PLEKHB1: variants seen among roughly 807,000 people sequenced by gnomAD.
The protein encoded by PLEKHB1 is pleckstrin homology domain-containing family B member 1.
Under a neutral mutation model 36.2 loss-of-function variants are expected in PLEKHB1, and 29 were observed. The ratio of observed to expected loss-of-function variants is 0.80; its 90% CI spans 0.60 to 1.09. PLEKHB1 has a LOEUF of 1.09. Ranked by LOEUF, PLEKHB1 falls within the 50% of genes least tolerant of loss-of-function variation. PLEKHB1 has a pLI of 0.00. For synonymous variants in PLEKHB1, 138 were observed against 140.0 expected, an observed-to-expected ratio of 0.99 and a Z score of 0.10; for missense variants, 330 against 348.2, an observed-to-expected ratio of 0.95 and a Z score of 0.42.
intron 2 of PLEKHB1, among the ~76,000 whole-genome samples, chr11:73,649,969 A>C (rs1032768300): frequency 6.6e-6 from 1 of 152,212 alleles, no homozygotes; most frequent in Admixed American, 6.5e-5. Flanking sequence ...TAGGAGGCTG[A>C]GTTGGGAGGA....
chr11:73,661,771 G>A lies in PLEKHB1; in HGVS notation c.*169G>A. 1 of 800,762 alleles carries A rather than the reference G, an allele frequency of 1.2e-6. No individual in the cohort carries two copies. The highest frequency in any genetic ancestry group is 1.9e-6 in the Non-Finnish European group (1 of 534,384). 49.6% of individuals were successfully genotyped at this position (800,762 alleles called of 1,614,324 possible). A position where few individuals can be genotyped will look rare whatever the true frequency, so the allele number is the denominator to read the frequency against. ...CACTCCCTACCCTTAATCCCCACAT[G>A]GGAAGAAGCTATCATCACAGGTACA... is the stretch of plus-strand genomic sequence containing the variant. On this transcript the variant is annotated 3_prime_UTR_variant, in exon 8 of 8. Transcript: ENST00000354190. The surrounding 1 kb of genome is among the most constrained non-coding windows in gnomAD (Gnocchi z 4.6).
At chr11:73,655,949 C>A in intron 6 of PLEKHB1, 42 bp downstream of exon 6, 1 of 1,549,122 alleles carries the variant, frequency 6.5e-7, no homozygotes, top group Non-Finnish European at 8.9e-7. Flanking sequence ...TACTGGCCAC[C>A]AGGATGAGCC....
intron 6 of PLEKHB1, among the ~76,000 whole-genome samples, chr11:73,658,627 C>CTTTTTTTT (rs1397466372): frequency 9.9e-5 from 15 of 152,000 alleles, no homozygotes; most frequent in African/African-American, 3.4e-4. Context: ...TTCTTTCTTT[C>CTTTTTTTT]TTTTTTTGAG....
intron 3 of PLEKHB1, among the ~76,000 whole-genome samples, 185 bp downstream of exon 3, chr11:73,650,890 G>T (rs964626195): frequency 1.3e-5 from 2 of 152,038 alleles, no homozygotes; most frequent in African/African-American, 4.8e-5. Flanking sequence ...TTGGCTGTGT[G>T]TGGTGGCGCA....
At chr11:73,650,999 TA>T (rs1034725295) in intron 3 of PLEKHB1, among the ~76,000 whole-genome samples, 205 of 140,264 alleles carry the variant, frequency 1.5e-3, no homozygotes, top group Admixed American at 2.7e-3. Flanking sequence ...CCCTGTCTCT[TA>T]AAAAAAAAAA....
At chr11:73,651,453 C>T (rs554220669) in intron 3 of PLEKHB1, 87 of 517,600 alleles carry the variant, frequency 1.7e-4, no homozygotes, top group South Asian at 1.2e-3. Context: ...GCCCTCCAGG[C>T]GCTCGGTACT....
intron 4 of PLEKHB1, 51 bp from the exon 5 acceptor site, chr11:73,652,924 T>G (rs1944923691): frequency 6.5e-7 from 1 of 1,531,576 alleles, no homozygotes; most frequent in Admixed American, 1.8e-5. Context: ...GGGGCCCAAT[T>G]CACCCACCCC....
Position 73,650,888 on chromosome 11 carries a change from G to A in PLEKHB1, c.247+183G>A, listed in dbSNP as rs116064273. Among the ~76,000 whole-genome samples, 1,181 of 152,218 alleles carry A rather than the reference G, an allele frequency of 7.8e-3. 14 individuals are homozygous for A. Among genetic ancestry groups the A allele is most frequent in the African/African-American group, 0.025 (1,054 of 41,506 alleles). On this transcript the variant is annotated intron_variant, in intron 3 of 7. Coordinates refer to ENST00000354190, the MANE Select transcript of PLEKHB1 (RefSeq NM_021200.3). ...AGTTAAGAAATAGGTCCTTGGCTGTGTGTGGTGGCGCATGCCTGTAATTTC... is the reference window on the plus strand; with the variant it reads ...AGTTAAGAAATAGGTCCTTGGCTGTATGTGGTGGCGCATGCCTGTAATTTC...
At position 73,661,422 on chromosome 11, in the gene PLEKHB1, T is replaced by G; in HGVS notation, c.596-44T>G. The stretch of plus-strand genomic sequence containing the variant: ...AGGAAGGGTACGAAGATCACTCTAC[T>G]CCCTCCTAAGTCGCTGATCCTCATG... On this transcript the variant is annotated intron_variant, in intron 7 of 7. Coordinates refer to ENST00000354190, the MANE Select transcript of PLEKHB1 (RefSeq NM_021200.3). This position sits in a 1 kb window ranked among gnomAD's most constrained non-coding sequence, Gnocchi z 4.6. 1 of 1,607,824 alleles carries G rather than the reference T, an allele frequency of 6.2e-7. No homozygotes were observed.
chr11:73,650,222 G>A (rs531582719), intron 2 of PLEKHB1, among the ~76,000 whole-genome samples: 1 of 152,240 alleles, frequency 6.6e-6, no homozygotes, highest in Admixed American at 6.5e-5. Flanking sequence ...CTCAAAGACA[G>A]AGAGAGAGAA....
chr11:73,650,198 G>C (rs115043881), intron 2 of PLEKHB1, among the ~76,000 whole-genome samples: 5,256 of 152,260 alleles, frequency 0.035, 299 homozygotes, highest in African/African-American at 0.12. Context: ...CTGAGTGACA[G>C]AGCAAGACCC....
chr11:73,660,465 A>G (rs997116134), intron 6 of PLEKHB1: 3 of 450,156 alleles, frequency 6.7e-6, no homozygotes, highest in African/African-American at 6.0e-5. Context: ...TAGACTACCT[A>G]TAAGGAGAAA....
rs1376713693 is a variant in PLEKHB1 at position 73,661,632 on chromosome 11, G to A, written c.*30G>A. 3 of 1,539,764 alleles carry A rather than the reference G, an allele frequency of 1.9e-6. No individual in the cohort carries two copies. Among genetic ancestry groups the A allele is most frequent in the Non-Finnish European group, 2.6e-6 (3 of 1,147,334 alleles). On this transcript the variant is annotated 3_prime_UTR_variant, in exon 8 of 8. Coordinates refer to ENST00000354190, the MANE Select transcript of PLEKHB1 (RefSeq NM_021200.3). The surrounding 1 kb of genome is among the most constrained non-coding windows in gnomAD (Gnocchi z 4.6). ...TGGGACTCGGAGCACTGACCCCTGC[G>A]CTTGGATTGCTAGACTCCTCTTCCT...
intron 6 of PLEKHB1, among the ~76,000 whole-genome samples, chr11:73,659,882 C>G (rs1409751462): frequency 1.3e-5 from 2 of 152,144 alleles, no homozygotes; most frequent in Admixed American, 1.3e-4. Flanking sequence ...CCTTCAGGAC[C>G]TGGTACATAG....
At position 73,653,147 on chromosome 11, in the gene PLEKHB1, T is replaced by A; in HGVS notation, c.390+133T>A. ...ATAGGTTTCTGCAAACTCTGATGCC[T>A]GAGTCCCAAGTGTTCGGGGAAAGGA... On this transcript the variant is annotated intron_variant, in intron 5 of 7. Coordinates refer to ENST00000354190, the MANE Select transcript of PLEKHB1 (RefSeq NM_021200.3). 3 of 919,634 alleles carry A rather than the reference T, an allele frequency of 3.3e-6. No homozygotes were observed. In the South Asian group the frequency reaches 5.0e-5, roughly 15 times the overall value. The allele number at this position is 919,634 out of a possible 1,614,324, so 57.0% of individuals were successfully genotyped here. A position where few individuals can be genotyped will look rare whatever the true frequency, so the allele number is the denominator to read the frequency against.
At chr11:73,651,012 AT>A (rs1944879116) in intron 3 of PLEKHB1, among the ~76,000 whole-genome samples, 1 of 151,242 alleles carries the variant, frequency 6.6e-6, no homozygotes, top group Non-Finnish European at 1.5e-5. Context: ...AAAAAAAAAA[AT>A]TGGTGAGATG....
chr11:73,651,769 T>C lies in PLEKHB1; in HGVS notation c.248-19T>C, dbSNP rs747993373. 17 of 1,605,340 alleles carry C rather than the reference T, an allele frequency of 1.1e-5. No homozygotes were observed. The highest frequency in any genetic ancestry group is 1.4e-5 in the Non-Finnish European group (16 of 1,173,648). On this transcript the variant is annotated intron_variant, in intron 3 of 7. Transcript: ENST00000354190. Reference sequence around the variant, plus strand: ...GGGCTTGTGCCTGTGGAAACCCATATATGTGTGTCTGCTTCCAGATGTGCA... The same window carrying C: ...GGGCTTGTGCCTGTGGAAACCCATACATGTGTGTCTGCTTCCAGATGTGCA...
intron 5 of PLEKHB1, among the ~76,000 whole-genome samples, chr11:73,654,997 G>T (rs556848453): frequency 8.5e-5 from 13 of 152,292 alleles, no homozygotes; most frequent in Non-Finnish European, 1.6e-4. Flanking sequence ...GCAGTAGTCT[G>T]CAGGGTGGAG....
At chr11:73,649,942 C>G (rs1020524800) in intron 2 of PLEKHB1, among the ~76,000 whole-genome samples, 3 of 152,358 alleles carry the variant, frequency 2.0e-5, no homozygotes, top group African/African-American at 7.2e-5. Context: ...TGGCTCATGC[C>G]TGTAATCCCA....
Sources: gnomAD v4.1 joint callset for allele counts (sites outside exome capture counted in the v4.1 genomes callset) on GRCh38, gnomAD v4.1.1 for gene constraint, Gnocchi (gnomAD v3.1) non-coding constraint, MANE v1.5 for transcripts, NCBI Gene and HGNC (gene_info 2026-07-23, HGNC 2026-07-21) for gene names.